The following KLC2 variants were observed in gnomAD, a reference collection of about 807,000 sequenced individuals.
The protein encoded by KLC2 is KLC 2.
Under a neutral mutation model 75.1 loss-of-function variants are expected in KLC2, and 35 were observed. That is an observed-to-expected ratio of 0.47 (90% CI 0.36 to 0.62). The LOEUF is 0.62. Ranked by LOEUF, KLC2 falls within the 20% of genes least tolerant of loss-of-function variation. The probability of loss-of-function intolerance (pLI) is 0.00; values close to 1 mark genes in which losing one functional copy is unlikely to be tolerated. For synonymous variants in KLC2, 314 were observed against 336.7 expected (o/e 0.93, Z 0.74); for missense variants, 611 against 833.2 (o/e 0.73, Z 3.28).
chr11:66,261,908 A>G lies in KLC2; in HGVS notation c.395A>G (p.Glu132Gly). 1.9e-6 allele frequency: 3 copies of G among 1,614,198 alleles called. No homozygotes were observed. The highest frequency in any genetic ancestry group is 2.5e-6 in the Non-Finnish European group (3 of 1,180,040). ...GAGCAGGCCGTGGCCCAGCTCGAGG[A>G]GGAGAAGCAGCACTTGCTGTTCATG... Reference protein sequence around the residue: ...RSEQAVAQLEEEKQHLLFMSQ... With the variant: ...RSEQAVAQLEGEKQHLLFMSQ... The change falls in exon 3 of 16, where the codon GAG (glutamate) becomes GGG (glycine). Residue 132 changes from glutamate (E) to glycine (G), a missense_variant. Physicochemically the swap from Glu to Gly is moderately conservative, Grantham distance 98 (BLOSUM62 -2). Coordinates refer to ENST00000394067, the MANE Select transcript of KLC2 (RefSeq NM_001318734.2).
Position 66,267,093 on chromosome 11 carries a change from TCTC to T in KLC2, c.*139_*141del. The T allele has an allele frequency of 1.3e-6, 2 of 1,534,124 alleles. No individual in the cohort carries two copies. Among genetic ancestry groups the T allele is most frequent in the Non-Finnish European group, 1.8e-6 (2 of 1,137,818 alleles). ...TTTCTGTTCAATCTCAGGGTAACCT[TCTC>T]CCTTGTCATCTCAGCCTGAGCCCTG... On this transcript the variant is annotated 3_prime_UTR_variant, in exon 16 of 16. Coordinates refer to ENST00000394067, the MANE Select transcript of KLC2 (RefSeq NM_001318734.2).
upstream of KLC2, among the ~76,000 whole-genome samples, chr11:66,255,659 A>G (rs1230103187): frequency 6.6e-6 from 1 of 152,232 alleles, no homozygotes; most frequent in Non-Finnish European, 1.5e-5. Flanking sequence ...ATCAATGGAC[A>G]TAAGAAACAA....
upstream of KLC2, chr11:66,257,565 G>T (rs1856090337): frequency 1.3e-5 from 2 of 152,290 alleles, no homozygotes; most frequent in South Asian, 2.1e-4. Context: ...GGCACCCCTC[G>T]GGGCTGGCGG....
At chr11:66,255,689 G>T (rs923359743), upstream of KLC2, among the ~76,000 whole-genome samples, 1 of 151,932 alleles carries the variant, frequency 6.6e-6, no homozygotes, top group Non-Finnish European at 1.5e-5. Flanking sequence ...CTTCCGGAGA[G>T]GGGGGCTGGA....
intron 4 of KLC2, 122 bp from the exon 5 acceptor site, chr11:66,262,692 G>GA (rs900260629): frequency 1.4e-6 from 1 of 708,396 alleles, no homozygotes; most frequent in Admixed American, 2.3e-5. Context: ...GGGAAACTGA[G>GA]AAAGAGTGGT....
At chr11:66,260,252 G>A (rs567679987) in intron 2 of KLC2, among the ~76,000 whole-genome samples, 33 of 152,028 alleles carry the variant, frequency 2.2e-4, no homozygotes, top group Non-Finnish European at 4.0e-4. Context: ...CAGGGTCTCA[G>A]ACAGCCTGGC....
At chr11:66,261,080 A>C (rs369787099) in intron 2 of KLC2, 3 of 138,392 alleles carry the variant, frequency 2.2e-5, no homozygotes, top group African/African-American at 7.6e-5. Flanking sequence ...AAAAAAAAAA[A>C]AGAGAGAGCA....
chr11:66,262,359 C>G, intron 4 of KLC2, 167 bp downstream of exon 4: 1 of 636,856 alleles, frequency 1.6e-6, no homozygotes, highest in Non-Finnish European at 2.8e-6. Context: ...CACATCCCCC[C>G]AGCTCTGTGG....
upstream of KLC2, among the ~76,000 whole-genome samples, chr11:66,256,821 CG>C (rs1856056744): frequency 6.6e-6 from 1 of 152,050 alleles, no homozygotes; most frequent in South Asian, 2.1e-4. Context: ...TATGGGGGGA[CG>C]TCCCTCTGAT....
upstream of KLC2, among the ~76,000 whole-genome samples, chr11:66,252,971 T>C (rs1855976045): frequency 6.7e-6 from 1 of 150,334 alleles, no homozygotes. Flanking sequence ...TTAAGGAGCC[T>C]CCCATCTTGA....
chr11:66,267,524 G>T lies in KLC2; in HGVS notation c.*568G>T. 1 of 666,190 alleles carries T rather than the reference G, an allele frequency of 1.5e-6. No individual in the cohort carries two copies. Among genetic ancestry groups the T allele is most frequent in the Non-Finnish European group, 2.8e-6 (1 of 357,640 alleles). 41.3% of individuals were successfully genotyped at this position (666,190 alleles called of 1,614,324 possible). A position where few individuals can be genotyped will look rare whatever the true frequency, so the allele number is the denominator to read the frequency against. On this transcript the variant is annotated 3_prime_UTR_variant, in exon 16 of 16. Coordinates refer to ENST00000394067, the MANE Select transcript of KLC2 (RefSeq NM_001318734.2). ...CAAGGGGGTCCTGGGACCTTCTCGC[G>T]CTCCTCCTGGCCTCTGAGGGATGCG... is the stretch of plus-strand genomic sequence containing the variant.
intron 1 of KLC2, 129 bp from the exon 2 acceptor site, chr11:66,258,455 C>G: frequency 1.6e-6 from 1 of 636,920 alleles, no homozygotes; most frequent in South Asian, 1.9e-5. Flanking sequence ...ACGGTGCGGG[C>G]TGCCGGCTGG....
rs779291656 is a variant in KLC2, at chr11:66,262,109, G to A, written c.460-14G>A. 3 of 1,612,826 alleles carry A rather than the reference G, an allele frequency of 1.9e-6. No homozygotes were observed. The highest frequency in any genetic ancestry group is 1.1e-5 in the South Asian group (1 of 91,004). ...TGCCTCCTTCCCTGATGCTCATCCT[G>A]TCTTCCTTCCCAGGAGGAGAAGGGG... is the stretch of plus-strand genomic sequence containing the variant. On this transcript the variant is annotated splice_polypyrimidine_tract_variant and intron_variant, in intron 3 of 15. Transcript: ENST00000394067.
chr11:66,267,111 C>T lies in KLC2; in HGVS notation c.*155C>T. ...GTAACCTTCTCCCTTGTCATCTCAG[C>T]CTGAGCCCTGGAGGCTGGGCCTGCC... On this transcript the variant is annotated 3_prime_UTR_variant, in exon 16 of 16. Transcript: ENST00000394067. 6.5e-7 allele frequency: 1 copy of T among 1,529,480 alleles called. No homozygotes were observed. The highest frequency in any genetic ancestry group is 8.8e-7 in the Non-Finnish European group (1 of 1,134,866). 94.7% of individuals were successfully genotyped at this position (1,529,480 alleles called of 1,614,324 possible).
intron 8 of KLC2, 46 bp from the exon 9 acceptor site, chr11:66,264,298 GC>G: frequency 2.5e-6 from 4 of 1,579,886 alleles, no homozygotes; most frequent in Non-Finnish European, 3.4e-6. Context: ...AGAGAAAAAG[GC>G]TTGGCTGCAT....
At chr11:66,266,328 T>C in intron 14 of KLC2, 105 bp from the exon 15 acceptor site, 3 of 1,488,004 alleles carry the variant, frequency 2.0e-6, no homozygotes, top group Non-Finnish European at 2.7e-6. Context: ...CCTCTCAGGC[T>C]CCACCACCCA....
chr11:66,255,113 G>T (rs927554684), upstream of KLC2, among the ~76,000 whole-genome samples: 1 of 151,566 alleles, frequency 6.6e-6, no homozygotes, highest in Admixed American at 6.6e-5. Context: ...TGGGCAGGTG[G>T]GAGTCCAGTC....
At chr11:66,252,058 C>T in the KLC2 span, among the ~76,000 whole-genome samples, 2 of 152,330 alleles carry the variant, frequency 1.3e-5, no homozygotes, top group Admixed American at 6.5e-5. Flanking sequence ...CTCACGCTTG[C>T]TTCTATTCAG....
chr11:66,249,761 T>A, the KLC2 span, among the ~76,000 whole-genome samples: 4 of 152,110 alleles, frequency 2.6e-5, no homozygotes, highest in East Asian at 7.7e-4. Context: ...CTGATTTCCC[T>A]TGATCTTCCC....
Sources: gnomAD v4.1 joint callset for allele counts (sites outside exome capture counted in the v4.1 genomes callset) on GRCh38, gnomAD v4.1.1 for gene constraint, MANE v1.5 for transcripts, NCBI Gene and HGNC (gene_info 2026-07-23, HGNC 2026-07-21) for gene names.